Variants in MECOM observed in about 807,000 individuals in gnomAD.
The protein encoded by MECOM is MDS1 and EVI1 complex locus.
Under a neutral mutation model 116.3 loss-of-function variants are expected in MECOM, and 13 were observed. That is an observed-to-expected ratio of 0.11 (90% CI 0.07 to 0.18). MECOM has a LOEUF of 0.18. Ranked by LOEUF, MECOM falls within the 10% of genes least tolerant of loss-of-function variation. MECOM has a pLI of 1.00. For synonymous variants in MECOM, 528 were observed against 535.2 expected (o/e 0.99, Z 0.19); for missense variants, 1,299 against 1,509.0 (o/e 0.86, Z 2.31).
chr3:169,488,041 A>G (rs1035058388), intron 1 of MECOM, among the ~76,000 whole-genome samples: 1 of 152,178 alleles, frequency 6.6e-6, no homozygotes, highest in Non-Finnish European at 1.5e-5. Flanking sequence ...TTTATAGTTT[A>G]ACTTCCAAAA....
intron 2 of MECOM, among the ~76,000 whole-genome samples, chr3:169,225,123 T>A (rs997615068): frequency 1.3e-5 from 2 of 152,198 alleles, no homozygotes; most frequent in African/African-American, 4.8e-5. Flanking sequence ...GGCTCCAAAA[T>A]GAGTTTTATA....
chr3:169,535,236 T>C (rs1460412724), intron 1 of MECOM, among the ~76,000 whole-genome samples: 2 of 152,172 alleles, frequency 1.3e-5, no homozygotes, highest in Non-Finnish European at 2.9e-5. Context: ...TGGGAAGATA[T>C]ATGTGAATAT....
At chr3:169,192,687 A>T (rs1747872722) in intron 2 of MECOM, among the ~76,000 whole-genome samples, 1 of 152,030 alleles carries the variant, frequency 6.6e-6, no homozygotes, top group African/African-American at 2.4e-5. Context: ...TCACTGAATG[A>T]CCAGATTTTC....
chr3:169,245,892 G>A (rs1755521709), intron 2 of MECOM, among the ~76,000 whole-genome samples: 1 of 152,186 alleles, frequency 6.6e-6, no homozygotes, highest in Admixed American at 6.5e-5. Flanking sequence ...TCAATAAGAA[G>A]AGAGGGAAAA....
intron 2 of MECOM, among the ~76,000 whole-genome samples, chr3:169,308,349 AC>A (rs1718092575): frequency 1.3e-5 from 2 of 152,246 alleles, no homozygotes; most frequent in Admixed American, 1.3e-4. Flanking sequence ...ATTGGTATTT[AC>A]AGATACAGTG....
intron 1 of MECOM, among the ~76,000 whole-genome samples, chr3:169,492,324 A>G (rs1753201633): frequency 6.6e-6 from 1 of 152,238 alleles, no homozygotes; most frequent in Non-Finnish European, 1.5e-5. Context: ...GTATGAGAGC[A>G]AAACTTGTTG....
rs565749134 is a variant in MECOM, at chr3:169,622,762, A to G, written c.37+40574T>C. Among the ~76,000 whole-genome samples, 24 of 152,338 alleles carry G rather than the reference A, an allele frequency of 1.6e-4. No homozygotes were observed. The East Asian group carries it at 1.7e-3, about 11-fold the overall frequency. On this transcript the variant is annotated intron_variant, in intron 1 of 16. Transcript: ENST00000651503. ...CAAAGATAAGATAAAACTCTCATGA[A>G]ACGAAGCCATACTCTTGAGAACTCT...
chr3:169,362,462 T>C (rs1462590653), intron 2 of MECOM, among the ~76,000 whole-genome samples: 1 of 151,736 alleles, frequency 6.6e-6, no homozygotes, highest in African/African-American at 2.4e-5. Flanking sequence ...CATTCCAGTG[T>C]ATCACACAGC....
At chr3:169,354,666 C>T (rs900747636) in intron 2 of MECOM, among the ~76,000 whole-genome samples, 5 of 151,856 alleles carry the variant, frequency 3.3e-5, no homozygotes, top group East Asian at 1.9e-4. Context: ...AATCATAGAA[C>T]GCTGAGGACA....
Position 169,596,540 on chromosome 3 carries a change from C to T in MECOM, c.37+66796G>A, listed in dbSNP as rs376808709. ...ATGCATATGAAGGAAATCTATTTTG[C>T]GTACAAGTGATTATATCACAATGTA... On this transcript the variant is annotated intron_variant, in intron 1 of 16. Coordinates refer to ENST00000651503, the MANE Select transcript of MECOM (RefSeq NM_004991.4). Among the ~76,000 whole-genome samples, 17 of 152,188 alleles carry T rather than the reference C, an allele frequency of 1.1e-4. 1 individual carries two copies. Among genetic ancestry groups the T allele is most frequent in the African/African-American group, 3.4e-4 (14 of 41,522 alleles).
intron 2 of MECOM, among the ~76,000 whole-genome samples, chr3:169,372,358 A>G (rs1730283829): frequency 1.3e-5 from 2 of 152,098 alleles, no homozygotes; most frequent in South Asian, 2.1e-4. Context: ...ATGTGCCACA[A>G]GGCAATATTT....
chr3:169,379,260 A>G (rs913398396), intron 2 of MECOM, among the ~76,000 whole-genome samples: 2 of 152,046 alleles, frequency 1.3e-5, no homozygotes, highest in African/African-American at 4.8e-5. Context: ...GTTTTTTTAT[A>G]ATACCTAAAG....
At chr3:169,308,421 T>C (rs937191426) in intron 2 of MECOM, among the ~76,000 whole-genome samples, 4 of 152,224 alleles carry the variant, frequency 2.6e-5, no homozygotes, top group Non-Finnish European at 5.9e-5. Context: ...AGTGAGAAGG[T>C]AATGTTCTTA....
chr3:169,146,343 C>T (rs1001650731), intron 2 of MECOM: 1 of 1,323,916 alleles, frequency 7.6e-7, no homozygotes. Context: ...GTCGCGTGGC[C>T]AGTGCCAGGA....
At chr3:169,616,011 G>A (rs1769947811) in intron 1 of MECOM, among the ~76,000 whole-genome samples, 3 of 152,170 alleles carry the variant, frequency 2.0e-5, no homozygotes, top group African/African-American at 7.2e-5. Flanking sequence ...AAATCTTCGA[G>A]AATGGCCCAG....
intron 2 of MECOM, among the ~76,000 whole-genome samples, chr3:169,366,440 C>T (rs1230498208): frequency 6.6e-6 from 1 of 151,902 alleles, no homozygotes; most frequent in African/African-American, 2.4e-5. Flanking sequence ...CTGCTCCTAC[C>T]CGTACAGTAC....
chr3:169,254,319 G>A (rs1756608134), intron 2 of MECOM, among the ~76,000 whole-genome samples: 2 of 152,138 alleles, frequency 1.3e-5, no homozygotes, highest in Non-Finnish European at 2.9e-5. Flanking sequence ...CCCTAAACCT[G>A]AGAACTGACT....
At chr3:169,564,522 T>C (rs1241628714) in intron 1 of MECOM, among the ~76,000 whole-genome samples, 1 of 152,246 alleles carries the variant, frequency 6.6e-6, no homozygotes, top group African/African-American at 2.4e-5. Flanking sequence ...AATTTTATCA[T>C]ATATTTAAAT....
chr3:169,658,877 G>A (rs1359800721), intron 1 of MECOM, among the ~76,000 whole-genome samples: 2 of 152,102 alleles, frequency 1.3e-5, no homozygotes, highest in Non-Finnish European at 2.9e-5. Context: ...CGGGAGAGAG[G>A]GGGCCGAGCC....
Sources: gnomAD v4.1 joint callset for allele counts (sites outside exome capture counted in the v4.1 genomes callset) on GRCh38, gnomAD v4.1.1 for gene constraint, MANE v1.5 for transcripts, NCBI Gene and HGNC (gene_info 2026-07-23, HGNC 2026-07-21) for gene names.